KIAA1217: variants seen among roughly 807,000 people sequenced by gnomAD.
The protein encoded by KIAA1217 is sickle tail protein homolog.
A neutral mutation model predicts 163.9 loss-of-function variants in KIAA1217; 88 were observed. The observed-to-expected ratio is 0.54, with a 90% CI of 0.45 to 0.64. KIAA1217 has a LOEUF of 0.64. Ranked by LOEUF, KIAA1217 falls within the 30% of genes least tolerant of loss-of-function variation. The pLI is 0.00. For synonymous variants in KIAA1217, 903 were observed against 923.1 expected (o/e 0.98, Z 0.39); for missense variants, 2,372 against 2,475.0 (o/e 0.96, Z 0.88).
At chr10:23,743,723 C>A (rs1324953100) in intron 1 of KIAA1217, among the ~76,000 whole-genome samples, 3 of 152,126 alleles carry the variant, frequency 2.0e-5, no homozygotes, top group African/African-American at 7.2e-5. Flanking sequence ...GTGTTATAAA[C>A]TTTTATTTGC....
chr10:24,437,637 C>T (rs1243309684), intron 4 of KIAA1217, among the ~76,000 whole-genome samples: 4 of 152,048 alleles, frequency 2.6e-5, no homozygotes, highest in Non-Finnish European at 4.4e-5. Context: ...ATGTGCTCTT[C>T]GATAATTTTA....
At chr10:24,037,224 G>A (rs1848430726) in intron 2 of KIAA1217, among the ~76,000 whole-genome samples, 1 of 152,152 alleles carries the variant, frequency 6.6e-6, no homozygotes, top group African/African-American at 2.4e-5. Context: ...CCAGCACTTT[G>A]GGAGGCCAAG....
intron 2 of KIAA1217, among the ~76,000 whole-genome samples, chr10:24,280,668 A>G (rs969007029): frequency 6.6e-6 from 1 of 152,014 alleles, no homozygotes; most frequent in Non-Finnish European, 1.5e-5. Flanking sequence ...AAATTAGCCA[A>G]GCATGGTCAC....
intron 3 of KIAA1217, among the ~76,000 whole-genome samples, chr10:24,386,221 G>T (rs568027668): frequency 6.6e-6 from 1 of 152,296 alleles, no homozygotes; most frequent in South Asian, 2.1e-4. Context: ...GACTGAAAAA[G>T]CAAAAATGAT....
intron 3 of KIAA1217, among the ~76,000 whole-genome samples, chr10:24,410,004 T>C (rs2057609571): frequency 6.8e-6 from 1 of 147,386 alleles, no homozygotes; most frequent in East Asian, 1.9e-4. Flanking sequence ...TTTCTTTTTT[T>C]TTTTTTTTTT....
At chr10:23,697,317 A>T (rs1230535136) in intron 1 of KIAA1217, among the ~76,000 whole-genome samples, 1 of 152,194 alleles carries the variant, frequency 6.6e-6, no homozygotes, top group Admixed American at 6.5e-5. Context: ...TAATGTATGA[A>T]TTTATACCCT....
chr10:23,768,871 C>T (rs1329283696), intron 1 of KIAA1217, among the ~76,000 whole-genome samples: 1 of 152,128 alleles, frequency 6.6e-6, no homozygotes, highest in Non-Finnish European at 1.5e-5. Flanking sequence ...TGCCCAGATC[C>T]ACAAGGAACA....
intron 1 of KIAA1217, among the ~76,000 whole-genome samples, chr10:23,812,194 T>C (rs777050299): frequency 1.4e-4 from 21 of 152,332 alleles, no homozygotes; most frequent in Non-Finnish European, 2.2e-4. Context: ...TAGACACTTA[T>C]ATTAAGTGAT....
intron 1 of KIAA1217, among the ~76,000 whole-genome samples, chr10:23,773,623 T>C (rs1834890688): frequency 6.6e-6 from 1 of 152,188 alleles, no homozygotes; most frequent in African/African-American, 2.4e-5. Context: ...TTTGTTTGTA[T>C]CCTCTTTTAT....
chr10:24,438,660 G>A (rs1021428584), intron 5 of KIAA1217, among the ~76,000 whole-genome samples, 181 bp downstream of exon 5: 1 of 152,104 alleles, frequency 6.6e-6, no homozygotes. Context: ...GTTATTTAGG[G>A]CAAAGGGATT....
At chr10:24,416,239 G>C (rs2058239275) in intron 3 of KIAA1217, among the ~76,000 whole-genome samples, 2 of 152,140 alleles carry the variant, frequency 1.3e-5, no homozygotes, top group African/African-American at 4.8e-5. Flanking sequence ...ATAAACTTTG[G>C]ATACCCTAAA....
Position 24,520,207 on chromosome 10 carries a change from G to A in KIAA1217, c.2262G>A (p.Gly754=), listed in dbSNP as rs751907867. 7 of 1,614,122 alleles carry A rather than the reference G, an allele frequency of 4.3e-6. No individual in the cohort carries two copies. The South Asian group carries it at 5.5e-5, about 13-fold the overall frequency. Reference sequence around the variant, plus strand: ...TTACTCTGAAAGACGTGGAAGACGGGGCTTTCCTCCTGCGTCAAGTGGGAG... The same window carrying A: ...TTACTCTGAAAGACGTGGAAGACGGAGCTTTCCTCCTGCGTCAAGTGGGAG... ...RLVTLKDVED[G]AFLLRQVGEA... The change falls in exon 11 of 21, where the codon GGG becomes GGA. Residue 754 remains glycine, a synonymous_variant. Coordinates refer to ENST00000376454, the MANE Select transcript of KIAA1217 (RefSeq NM_019590.5).
chr10:23,752,911 G>A (rs12771254), intron 1 of KIAA1217, among the ~76,000 whole-genome samples: 28,528 of 152,046 alleles, frequency 0.19, 2,776 homozygotes, highest in Middle Eastern at 0.26. Flanking sequence ...AGCTCTGCAA[G>A]AGCCTTGTGA....
chr10:24,462,356 A>G (rs2062497203), intron 5 of KIAA1217, among the ~76,000 whole-genome samples: 1 of 152,148 alleles, frequency 6.6e-6, no homozygotes, highest in Non-Finnish European at 1.5e-5. Flanking sequence ...GAATGGAGTG[A>G]GGTACTTCTC....
At chr10:23,872,980 C>A (rs1454731553) in intron 1 of KIAA1217, among the ~76,000 whole-genome samples, 2 of 151,936 alleles carry the variant, frequency 1.3e-5, no homozygotes, top group African/African-American at 4.8e-5. Flanking sequence ...ATCAAACAGC[C>A]TGAAATGAAA....
chr10:24,044,622 T>G (rs568726200), intron 2 of KIAA1217, among the ~76,000 whole-genome samples: 2 of 152,176 alleles, frequency 1.3e-5, no homozygotes, highest in African/African-American at 4.8e-5. Context: ...CTTCCGTACT[T>G]TTATTTGGGT....
chr10:24,312,454 A>G (rs879750816), intron 2 of KIAA1217, among the ~76,000 whole-genome samples: 1 of 152,178 alleles, frequency 6.6e-6, no homozygotes, highest in Non-Finnish European at 1.5e-5. Context: ...CGTCTCTACG[A>G]AAAGAAATAC....
At chr10:23,998,991 C>G (rs991776523) in intron 1 of KIAA1217, among the ~76,000 whole-genome samples, 2 of 151,768 alleles carry the variant, frequency 1.3e-5, no homozygotes, top group Non-Finnish European at 2.9e-5. Flanking sequence ...AATATGCAGA[C>G]TAGATCTCTA....
chr10:24,354,342 G>T (rs2048814609), intron 2 of KIAA1217, among the ~76,000 whole-genome samples: 1 of 152,312 alleles, frequency 6.6e-6, no homozygotes, highest in East Asian at 1.9e-4. Flanking sequence ...AGGAGGGGGA[G>T]CATGCAGATG....
Sources: gnomAD v4.1 joint callset for allele counts (sites outside exome capture counted in the v4.1 genomes callset) on GRCh38, gnomAD v4.1.1 for gene constraint, MANE v1.5 for transcripts, NCBI Gene and HGNC (gene_info 2026-07-23, HGNC 2026-07-21) for gene names.